RRM2B: variants seen among roughly 807,000 people sequenced by gnomAD.
RRM2B encodes the protein ribonucleotide reductase regulatory TP53 inducible subunit M2B.
Under a neutral mutation model 45.9 loss-of-function variants are expected in RRM2B, and 20 were observed. The ratio of observed to expected loss-of-function variants is 0.44; its 90% CI spans 0.31 to 0.63. The LOEUF is 0.63. Among genes scored for constraint, RRM2B ranks in the 30% least tolerant of loss-of-function variants. RRM2B has a pLI of 0.09. For missense variants in RRM2B, 320 were observed against 414.7 expected, an observed-to-expected ratio of 0.77 and a Z score of 1.98; for synonymous variants, 124 against 132.3, an observed-to-expected ratio of 0.94 and a Z score of 0.43.
chr8:102,217,536 G>C (rs954260982), intron 6 of RRM2B, among the ~76,000 whole-genome samples: 2 of 152,076 alleles, frequency 1.3e-5, no homozygotes, highest in African/African-American at 4.8e-5. Context: ...TATAGTTGAA[G>C]AAACCAAGGT....
chr8:102,232,956 TA>T (rs1005689454), intron 1 of RRM2B, among the ~76,000 whole-genome samples: 19 of 152,312 alleles, frequency 1.2e-4, no homozygotes, highest in African/African-American at 4.3e-4. Flanking sequence ...GAGAAACACA[TA>T]CCTGTATTCA....
chr8:102,238,421 C>T, intron 1 of RRM2B: 1 of 683,458 alleles, frequency 1.5e-6, no homozygotes, highest in African/African-American at 1.9e-5. Flanking sequence ...CTCCTTGTCA[C>T]CATCCCAAAT....
chr8:102,219,743 A>C (rs1472389527), intron 5 of RRM2B, among the ~76,000 whole-genome samples: 1 of 152,234 alleles, frequency 6.6e-6, no homozygotes, highest in Non-Finnish European at 1.5e-5. Flanking sequence ...TATATGTCTA[A>C]GGAAAAAGGT....
rs766279372 is a variant in RRM2B, at chr8:102,224,981, G to A, written c.359C>T (p.Ala120Val). ...RFSQEVQVPE[A>V]RCFYGFQILI... ...AATTTGAAAGCCATAGAAACAGCGA[G>A]CCTCTGGAACCTGCACCTCCTGACT... The change falls in exon 4 of 9, where the codon GCT becomes GTT. Residue 120 changes from alanine (A) to valine (V), a missense_variant. Physicochemically the swap from Ala to Val is moderately conservative, Grantham distance 64. Transcript: ENST00000251810. 1 of 1,613,994 alleles carries A rather than the reference G, an allele frequency of 6.2e-7. No individual in the cohort carries two copies. The highest frequency in any genetic ancestry group is 1.3e-5 in the African/African-American group (1 of 74,928).
chr8:102,220,938 T>C (rs2132551404), intron 5 of RRM2B, among the ~76,000 whole-genome samples: 1 of 152,318 alleles, frequency 6.6e-6, no homozygotes, highest in Non-Finnish European at 1.5e-5. Context: ...TGTAAAGGCC[T>C]CATGATTCAT....
At chr8:102,223,564 A>C (rs1810871363) in intron 5 of RRM2B, among the ~76,000 whole-genome samples, 1 of 151,984 alleles carries the variant, frequency 6.6e-6, no homozygotes, top group South Asian at 2.1e-4. Flanking sequence ...GCGTGGTGGT[A>C]GGTGCCTGTA....
At chr8:102,230,891 G>T (rs572237542) in intron 2 of RRM2B, among the ~76,000 whole-genome samples, 1 of 152,266 alleles carries the variant, frequency 6.6e-6, no homozygotes, top group Non-Finnish European at 1.5e-5. Context: ...TACTGATGAG[G>T]ATACACAGAG....
intron 8 of RRM2B, among the ~76,000 whole-genome samples, chr8:102,209,537 T>C (rs574303443): frequency 6.6e-4 from 100 of 152,336 alleles, no homozygotes; most frequent in Non-Finnish European, 1.1e-3. Flanking sequence ...AGGGTGGGAA[T>C]ATAAAATTGT....
chr8:102,238,534 G>T, intron 1 of RRM2B: 1 of 1,477,102 alleles, frequency 6.8e-7, no homozygotes, highest in Non-Finnish European at 9.0e-7. Flanking sequence ...AGCGTGAGGC[G>T]GATAAACGCA....
In RRM2B at chr8:102,205,458, T is replaced by G. The variant is rs3735720; in HGVS notation, c.*2675A>C. ...CAAGACAAGGCTGGGGCCAGCTTAG[T>G]TGTAAGAAAAACTATTATTGTATAT... On this transcript the variant is annotated 3_prime_UTR_variant, in exon 9 of 9. Transcript: ENST00000251810. 1 of 152,098 alleles carries G rather than the reference T, an allele frequency of 6.6e-6. No homozygotes were observed. The highest frequency in any genetic ancestry group is 6.5e-5 in the Admixed American group (1 of 15,276). 9.4% of individuals were successfully genotyped at this position (152,098 alleles called of 1,614,324 possible). A position where few individuals can be genotyped will look rare whatever the true frequency, so the allele number is the denominator to read the frequency against.
chr8:102,227,844 T>A (rs1204634495), intron 2 of RRM2B, among the ~76,000 whole-genome samples: 1 of 152,086 alleles, frequency 6.6e-6, no homozygotes, highest in African/African-American at 2.4e-5. Flanking sequence ...ATATCTCTCA[T>A]GTCTCTTAAG....
intron 1 of RRM2B, among the ~76,000 whole-genome samples, chr8:102,235,699 C>T (rs1262650909): frequency 2.0e-5 from 3 of 152,114 alleles, no homozygotes; most frequent in South Asian, 2.1e-4. Flanking sequence ...ATTAGCCGGG[C>T]GTGGTGGCGT....
chr8:102,215,669 G>A (rs1016973553), intron 6 of RRM2B, among the ~76,000 whole-genome samples: 2 of 152,016 alleles, frequency 1.3e-5, no homozygotes, highest in South Asian at 2.1e-4. Context: ...TGGAAGGCTG[G>A]GCACGGGGGC....
At chr8:102,233,586 G>A (rs1482709780) in intron 1 of RRM2B, among the ~76,000 whole-genome samples, 1 of 152,148 alleles carries the variant, frequency 6.6e-6, no homozygotes, top group Non-Finnish European at 1.5e-5. Context: ...ACATCAGTGA[G>A]ACAACCCAAT....
rs761838650 is a variant in RRM2B, at chr8:102,238,810, G to A, written c.48+17C>T. The A allele has an allele frequency of 6.2e-7, 1 of 1,613,764 alleles. No homozygotes were observed. Among genetic ancestry groups the A allele is most frequent in the Non-Finnish European group, 8.5e-7 (1 of 1,179,910 alleles). On this transcript the variant is annotated intron_variant, in intron 1 of 8. Transcript: ENST00000251810. ...GCGTGACTGCGGTGAGGGGGAAGAC[G>A]CAACAGCAACATTTACCTCATCCTG...
chr8:102,238,864 G>A lies in RRM2B; in HGVS notation c.11C>T (p.Pro4Leu), dbSNP rs780362178. The A allele has an allele frequency of 1.2e-5, 20 of 1,612,458 alleles. No individual in the cohort carries two copies. Among genetic ancestry groups the A allele is most frequent in the East Asian group, 4.5e-5 (2 of 44,862 alleles). Residue 4 changes from proline (P) to leucine (L), a missense_variant, in exon 1 of 9, where the codon CCG becomes CTG. Coordinates refer to ENST00000251810, the MANE Select transcript of RRM2B (RefSeq NM_015713.5). MGD[P>L]ERPEAAGLDQ... ...CAGCCCGGCCGCTTCCGGCCTTTCC[G>A]GGTCGCCCATCGCGCAGACTCCGCC... is the stretch of plus-strand genomic sequence containing the variant.
chr8:102,222,711 T>TTTG (rs564544969), intron 5 of RRM2B, among the ~76,000 whole-genome samples: 210 of 152,342 alleles, frequency 1.4e-3, no homozygotes, highest in African/African-American at 4.6e-3. Context: ...GCATATACTA[T>TTTG]ATACATATAC....
rs754535887 is a variant in RRM2B, at chr8:102,238,843, C to T, written c.32G>A (p.Gly11Glu). 1.6e-5 allele frequency: 26 copies of T among 1,613,230 alleles called. No individual in the cohort carries two copies. In the East Asian group the frequency reaches 4.0e-4, roughly 25 times the overall value. Residue 11 changes from glycine to glutamate, a missense_variant, in exon 1 of 9, where the codon GGG (glycine) becomes GAG (glutamate). Gly to Glu is a moderately conservative substitution (Grantham distance 98). Transcript: ENST00000251810. The part of the protein sequence containing the change: MGDPERPEAA[G>E]LDQDERSSSD... Reference sequence around the variant, plus strand: ...AACATTTACCTCATCCTGATCCAGCCCGGCCGCTTCCGGCCTTTCCGGGTC... The same window carrying T: ...AACATTTACCTCATCCTGATCCAGCTCGGCCGCTTCCGGCCTTTCCGGGTC...
In RRM2B at chr8:102,212,824, G is replaced by A; in HGVS notation, c.855C>T (p.Tyr285=). Residue 285 remains tyrosine, a synonymous_variant, in exon 8 of 9, where the codon TAC becomes TAT. Transcript: ENST00000251810. The part of the protein sequence containing the change: ...IGMNCILMKQ[Y]IEFVADRLLV... The stretch of plus-strand genomic sequence containing the variant: ...GTAATCTGTCAGCTACAAACTCAAT[G>A]TACTGTTTCATCAAAATGCAATTCA... 1 of 1,611,602 alleles carries A rather than the reference G, an allele frequency of 6.2e-7. No homozygotes were observed. The highest frequency in any genetic ancestry group is 1.7e-5 in the Admixed American group (1 of 59,980).
Sources: gnomAD v4.1 joint callset for allele counts (sites outside exome capture counted in the v4.1 genomes callset) on GRCh38, gnomAD v4.1.1 for gene constraint, MANE v1.5 for transcripts, NCBI Gene and HGNC (gene_info 2026-07-23, HGNC 2026-07-21) for gene names.